The following PAQR8 variants were observed in gnomAD, a reference collection of about 807,000 sequenced individuals.
PAQR8 encodes progestin and adipoQ receptor family member 8.
In PAQR8, 17 loss-of-function variants were observed where a neutral mutation model predicts 25.2. The observed-to-expected ratio is 0.67, with a 90% confidence interval of 0.46 to 1.01. PAQR8 has a LOEUF of 1.01. Among genes scored for constraint, PAQR8 ranks in the 50% least tolerant of loss-of-function variants. The pLI is 0.00. For synonymous variants in PAQR8, 204 were observed against 190.6 expected, an observed-to-expected ratio of 1.07 and a Z score of -0.58; for missense variants, 392 against 448.4, an observed-to-expected ratio of 0.87 and a Z score of 1.14.
At chr6:52,381,180 G>A (rs1763555052) in intron 1 of PAQR8, among the ~76,000 whole-genome samples, 1 of 152,218 alleles carries the variant, frequency 6.6e-6, no homozygotes, top group Admixed American at 6.5e-5. Flanking sequence ...ACACATGGCT[G>A]TTTGTAACTC....
chr6:52,362,360 T>C lies in PAQR8; in HGVS notation c.-53+111T>C, dbSNP rs1388153874. ...AGGCGGGGACGTCAGGATCGCGGCG[T>C]TGGGGAGTCCTCGCACCCCGAGCTC... On this transcript the variant is annotated intron_variant, in intron 1 of 1. Transcript: ENST00000442253. This position sits in a 1 kb window ranked among gnomAD's most constrained non-coding sequence, Gnocchi z 4.1. 4 of 151,948 alleles carry C rather than the reference T, an allele frequency of 2.6e-5. No individual in the cohort carries two copies. The highest frequency in any genetic ancestry group is 9.7e-5 in the African/African-American group (4 of 41,298). 9.4% of individuals were successfully genotyped at this position (151,948 alleles called of 1,614,324 possible). A position where few individuals can be genotyped will look rare whatever the true frequency, so the allele number is the denominator to read the frequency against.
At chr6:52,367,740 T>G (rs555209547) in intron 1 of PAQR8, among the ~76,000 whole-genome samples, 5 of 152,148 alleles carry the variant, frequency 3.3e-5, no homozygotes, top group Non-Finnish European at 7.4e-5. Flanking sequence ...AGAGGAAAGA[T>G]GAGGATGGAG....
chr6:52,376,230 C>T (rs1365639865), intron 1 of PAQR8, among the ~76,000 whole-genome samples: 2 of 152,200 alleles, frequency 1.3e-5, no homozygotes. Flanking sequence ...ATGTATTGGA[C>T]AGCAGTAATG....
intron 1 of PAQR8, among the ~76,000 whole-genome samples, chr6:52,383,719 G>A (rs971352463): frequency 2.5e-4 from 38 of 150,932 alleles, no homozygotes; most frequent in Non-Finnish European, 7.4e-5. Flanking sequence ...TATACTGGAT[G>A]TACTCTAACA....
At position 52,403,718 on chromosome 6, in the gene PAQR8, C is replaced by A. The variant is rs1317442695; in HGVS notation, c.505C>A (p.Gln169Lys). 4 of 1,614,250 alleles carry A rather than the reference C, an allele frequency of 2.5e-6. No individual in the cohort carries two copies. The South Asian group carries it at 3.3e-5, about 13-fold the overall frequency. The change falls in exon 2 of 2, where the codon CAG becomes AAG. Residue 169 changes from glutamine (Q) to lysine (K), a missense_variant. Coordinates refer to ENST00000442253, the MANE Select transcript of PAQR8 (RefSeq NM_133367.5). ...GGCTCATTTCTTCTACAGCTCTGAC[C>A]AGGCCTGGTATGACCGGTTCTGGCT... is the stretch of plus-strand genomic sequence containing the variant. ...ALAHFFYSSD[Q>K]AWYDRFWLFF...
chr6:52,398,195 TTCTTTTTTC>T (rs1463454163), intron 1 of PAQR8, among the ~76,000 whole-genome samples: 19 of 115,092 alleles, frequency 1.7e-4, no homozygotes, highest in African/African-American at 7.2e-4. Flanking sequence ...AATTTTTCTT[TTCTTTTTTC>T]TTTTTTTTTT....
In PAQR8 at chr6:52,406,483, G is replaced by C; in HGVS notation, c.*2205G>C. The C allele has an allele frequency of 2.4e-6, 1 of 413,456 alleles. No homozygotes were observed. The highest frequency in any genetic ancestry group is 4.4e-6 in the Non-Finnish European group (1 of 226,146). 25.6% of individuals were successfully genotyped at this position (413,456 alleles called of 1,614,324 possible). On this transcript the variant is annotated 3_prime_UTR_variant, in exon 2 of 2. Transcript: ENST00000442253. ...TTGTTAATGGCCTGTGACATGATGA[G>C]CACAGGAACAGGCATGAAGATATTG...
chr6:52,367,077 G>A (rs1418733234), intron 1 of PAQR8, among the ~76,000 whole-genome samples: 5 of 152,064 alleles, frequency 3.3e-5, no homozygotes, highest in Non-Finnish European at 7.4e-5. Flanking sequence ...AGAAGTGGGT[G>A]GTGAATTTGC....
At chr6:52,374,256 C>T (rs1291360616) in intron 1 of PAQR8, among the ~76,000 whole-genome samples, 1 of 152,190 alleles carries the variant, frequency 6.6e-6, no homozygotes, top group East Asian at 1.9e-4. Context: ...TGGGCTAATA[C>T]ACTAGTCAAG....
At chr6:52,383,775 G>T (rs914762734) in intron 1 of PAQR8, among the ~76,000 whole-genome samples, 1 of 152,084 alleles carries the variant, frequency 6.6e-6, no homozygotes, top group African/African-American at 2.4e-5. Flanking sequence ...AGCAGTGGTT[G>T]ATGCTTACAG....
intron 1 of PAQR8, among the ~76,000 whole-genome samples, chr6:52,396,285 G>A (rs1581796765): frequency 6.6e-6 from 1 of 152,272 alleles, no homozygotes; most frequent in East Asian, 1.9e-4. Context: ...TCTAGTTAGA[G>A]TGTTGAAAAT....
In PAQR8 at chr6:52,403,702, C is replaced by A. The variant is rs755486419; in HGVS notation, c.489C>A (p.Phe163Leu). 1.9e-6 allele frequency: 3 copies of A among 1,614,128 alleles called. No individual in the cohort carries two copies. Among genetic ancestry groups the A allele is most frequent in the Non-Finnish European group, 2.5e-6 (3 of 1,180,044 alleles). Residue 163 changes from phenylalanine (F) to leucine (L), a missense_variant, in exon 2 of 2, where the codon TTC (phenylalanine) becomes TTA (leucine). Transcript: ENST00000442253. ...VYQYGSALAH[F>L]FYSSDQAWYD... ...AATATGGCAGTGCTTTGGCTCATTTCTTCTACAGCTCTGACCAGGCCTGGT... is the reference window on the plus strand; with the variant it reads ...AATATGGCAGTGCTTTGGCTCATTTATTCTACAGCTCTGACCAGGCCTGGT...
At chr6:52,392,934 C>T (rs1490670135) in intron 1 of PAQR8, among the ~76,000 whole-genome samples, 2 of 152,188 alleles carry the variant, frequency 1.3e-5, no homozygotes, top group Non-Finnish European at 2.9e-5. Context: ...ATCTGAGAAA[C>T]TTTGCAGTAC....
chr6:52,373,938 A>G (rs1763452030), intron 1 of PAQR8, among the ~76,000 whole-genome samples: 1 of 152,174 alleles, frequency 6.6e-6, no homozygotes, highest in Admixed American at 6.5e-5. Flanking sequence ...TGACTAGATC[A>G]TGGGGGCAGT....
At chr6:52,368,351 T>C (rs1763378288) in intron 1 of PAQR8, among the ~76,000 whole-genome samples, 1 of 152,208 alleles carries the variant, frequency 6.6e-6, no homozygotes, top group Non-Finnish European at 1.5e-5. Flanking sequence ...TCCAAGAATA[T>C]TGATGCCCTA....
At chr6:52,363,151 C>G (rs990995817) in intron 1 of PAQR8, among the ~76,000 whole-genome samples, 1 of 152,132 alleles carries the variant, frequency 6.6e-6, no homozygotes, top group African/African-American at 2.4e-5. Flanking sequence ...ACTCAGCGCG[C>G]TTGGGGAATA....
chr6:52,376,906 T>C (rs546159786), intron 1 of PAQR8, among the ~76,000 whole-genome samples: 2 of 152,314 alleles, frequency 1.3e-5, no homozygotes, highest in Non-Finnish European at 2.9e-5. Context: ...GTAGATACTA[T>C]AATCCTTTGT....
At chr6:52,393,396 C>T (rs1763732919) in intron 1 of PAQR8, among the ~76,000 whole-genome samples, 1 of 133,436 alleles carries the variant, frequency 7.5e-6, no homozygotes, top group South Asian at 2.4e-4. Context: ...AGTGCAGTGG[C>T]ATAACCATGG....
At chr6:52,363,192 C>G (rs1490092956) in intron 1 of PAQR8, among the ~76,000 whole-genome samples, 2 of 152,164 alleles carry the variant, frequency 1.3e-5, no homozygotes, top group African/African-American at 4.8e-5. Flanking sequence ...GCTGCTGCAC[C>G]TTGCCGACCC....
Sources: gnomAD v4.1 joint callset for allele counts (sites outside exome capture counted in the v4.1 genomes callset) on GRCh38, gnomAD v4.1.1 for gene constraint, Gnocchi (gnomAD v3.1) non-coding constraint, MANE v1.5 for transcripts, NCBI Gene and HGNC (gene_info 2026-07-23, HGNC 2026-07-21) for gene names.